Variants in CTNND2 observed in about 807,000 individuals in gnomAD.
The protein encoded by CTNND2 is catenin delta 2, also known as catenin delta-2.
CTNND2 carries 22 observed loss-of-function variants against 144.4 expected under a neutral mutation model. That is an observed-to-expected ratio of 0.15 (90% CI 0.11 to 0.22). The LOEUF (loss-of-function observed/expected upper bound fraction) is 0.22. CTNND2 is among the 10% of genes least tolerant of loss of function. The pLI, the probability that CTNND2 is intolerant of heterozygous loss-of-function variation, is 1.00. For synonymous variants in CTNND2, 751 were observed against 695.6 expected (o/e 1.08, Z -1.25); for missense variants, 1,353 against 1,618.8 (o/e 0.84, Z 2.82).
At chr5:11,401,026 T>C (rs1312971951) in intron 5 of CTNND2, among the ~76,000 whole-genome samples, 2 of 152,282 alleles carry the variant, frequency 1.3e-5, no homozygotes, top group Non-Finnish European at 2.9e-5. Context: ...CCTCAGATTT[T>C]GGTGCTTCTC....
chr5:11,362,009 C>T (rs61750688), intron 8 of CTNND2, among the ~76,000 whole-genome samples: 15 of 152,152 alleles, frequency 9.9e-5, no homozygotes, highest in Admixed American at 9.8e-4. Flanking sequence ...TGCCCTCAGC[C>T]ACTCATCTGA....
chr5:11,589,227 C>A (rs982418566), intron 2 of CTNND2, among the ~76,000 whole-genome samples: 4 of 150,924 alleles, frequency 2.7e-5, no homozygotes, highest in Non-Finnish European at 4.4e-5. Context: ...TCTAATCTTC[C>A]GTTCCTTTGC....
intron 2 of CTNND2, among the ~76,000 whole-genome samples, chr5:11,731,209 G>A (rs1418853845): frequency 1.3e-5 from 2 of 152,070 alleles, no homozygotes; most frequent in Non-Finnish European, 2.9e-5. Context: ...TGATCCCTTC[G>A]GTCAGTGGGT....
intron 2 of CTNND2, among the ~76,000 whole-genome samples, chr5:11,632,080 G>A (rs899203705): frequency 3.9e-5 from 6 of 152,224 alleles, no homozygotes; most frequent in East Asian, 3.8e-4. Context: ...ATTAAGAGAA[G>A]AATGGCAGCT....
At chr5:11,275,813 C>T (rs445607) in intron 9 of CTNND2, among the ~76,000 whole-genome samples, 46,551 of 152,066 alleles carry the variant, frequency 0.31, 7,238 homozygotes, top group Middle Eastern at 0.38. Flanking sequence ...GGGGAAGGTA[C>T]TGAGTAGAAT....
chr5:11,867,057 AG>A (rs1795804205), intron 1 of CTNND2, among the ~76,000 whole-genome samples: 1 of 152,234 alleles, frequency 6.6e-6, no homozygotes, highest in Non-Finnish European at 1.5e-5. Flanking sequence ...TAATACCACA[AG>A]GTTCTGATCC....
chr5:11,766,833 T>A (rs1789616912), intron 1 of CTNND2, among the ~76,000 whole-genome samples: 1 of 152,122 alleles, frequency 6.6e-6, no homozygotes, highest in Non-Finnish European at 1.5e-5. Context: ...AACATAAAAT[T>A]TCAAACCTAC....
chr5:11,023,681 C>T (rs967419335), intron 16 of CTNND2, among the ~76,000 whole-genome samples: 3 of 152,320 alleles, frequency 2.0e-5, no homozygotes, highest in Middle Eastern at 3.4e-3. Flanking sequence ...GTAACACTTA[C>T]TAATTTGGTG....
intron 2 of CTNND2, among the ~76,000 whole-genome samples, chr5:11,581,963 C>A (rs761542519): frequency 6.4e-4 from 98 of 152,070 alleles, no homozygotes; most frequent in Non-Finnish European, 1.1e-3. Context: ...GTATTTGTAT[C>A]ATGTATAAAT....
chr5:11,205,236 A>G (rs1385246745), intron 10 of CTNND2, among the ~76,000 whole-genome samples: 1 of 152,164 alleles, frequency 6.6e-6, no homozygotes, highest in African/African-American at 2.4e-5. Context: ...TAGTATACAC[A>G]CACACACAAA....
At chr5:11,579,032 C>G (rs1409036132) in intron 2 of CTNND2, among the ~76,000 whole-genome samples, 1 of 152,150 alleles carries the variant, frequency 6.6e-6, no homozygotes, top group Non-Finnish European at 1.5e-5. Flanking sequence ...ATTAAATACT[C>G]TCTCTACTAA....
chr5:11,254,196 T>G (rs1390095552), intron 9 of CTNND2, among the ~76,000 whole-genome samples: 1 of 152,172 alleles, frequency 6.6e-6, no homozygotes, highest in Non-Finnish European at 1.5e-5. Flanking sequence ...TAGTAGTCAA[T>G]CCACTTTTCT....
At chr5:11,074,074 T>G (rs927994712) in intron 16 of CTNND2, among the ~76,000 whole-genome samples, 4 of 152,162 alleles carry the variant, frequency 2.6e-5, no homozygotes, top group African/African-American at 9.7e-5. Flanking sequence ...TGCACTGGAC[T>G]TTCCACAGCC....
intron 3 of CTNND2, among the ~76,000 whole-genome samples, chr5:11,493,893 A>G (rs1581332053): frequency 6.6e-6 from 1 of 152,182 alleles, no homozygotes; most frequent in Non-Finnish European, 1.5e-5. Flanking sequence ...AGGATATGAA[A>G]AAGGTTAATT....
At chr5:11,476,039 T>TTTC (rs1767708812) in intron 3 of CTNND2, among the ~76,000 whole-genome samples, 1 of 149,528 alleles carries the variant, frequency 6.7e-6, no homozygotes, top group African/African-American at 2.5e-5. Context: ...TTTCTATTTT[T>TTTC]TTTTTTTTTT....
intron 2 of CTNND2, among the ~76,000 whole-genome samples, chr5:11,730,973 T>C (rs1228419952): frequency 6.6e-6 from 1 of 152,130 alleles, no homozygotes; most frequent in African/African-American, 2.4e-5. Context: ...ACCCCCTTGG[T>C]GGTCCCTTTT....
rs891295849 is a variant in CTNND2 at position 11,903,674 on chromosome 5, C to G, written c.37+143G>C. On this transcript the variant is annotated intron_variant, in intron 1 of 21. Transcript: ENST00000304623. This position sits in a 1 kb window ranked among gnomAD's most constrained non-coding sequence, Gnocchi z 5.4. ...GACCTGGCGCGATCGCGGTCCTCCC[C>G]GAGGCAGGCAGAAACCCCGCAGCAG... 3 of 899,902 alleles carry G rather than the reference C, an allele frequency of 3.3e-6. No homozygotes were observed. Among genetic ancestry groups the G allele is most frequent in the South Asian group, 2.2e-5 (1 of 45,936 alleles). The allele number at this position is 899,902 out of a possible 1,614,324, so 55.7% of individuals were successfully genotyped here. A position where few individuals can be genotyped will look rare whatever the true frequency, so the allele number is the denominator to read the frequency against.
chr5:11,452,669 G>A (rs1051752139), intron 3 of CTNND2, among the ~76,000 whole-genome samples: 1 of 152,062 alleles, frequency 6.6e-6, no homozygotes, highest in Non-Finnish European at 1.5e-5. Flanking sequence ...ATTCATTCTA[G>A]GTAGCCTGTT....
intron 5 of CTNND2, among the ~76,000 whole-genome samples, chr5:11,409,500 A>C (rs971171439): frequency 6.6e-6 from 1 of 152,054 alleles, no homozygotes; most frequent in Non-Finnish European, 1.5e-5. Context: ...CGTGCATTCA[A>C]ATGTTCACAA....
Sources: allele counts gnomAD v4.1 joint callset (sites outside exome capture counted in the v4.1 genomes callset), GRCh38; gene constraint gnomAD v4.1.1; non-coding constraint Gnocchi (gnomAD v3.1); transcripts MANE v1.5; gene names NCBI Gene and HGNC (gene_info 2026-07-23, HGNC 2026-07-21).